Variants in TMEM117 observed in about 807,000 individuals in gnomAD.
TMEM117 encodes the protein transmembrane protein 117.
Under a neutral mutation model 52.4 loss-of-function variants are expected in TMEM117, and 27 were observed. That is an observed-to-expected ratio of 0.51 (90% CI 0.38 to 0.71). The LOEUF (loss-of-function observed/expected upper bound fraction) is 0.71, where lower values mean the gene tolerates loss of function less well. Ranked by LOEUF, TMEM117 falls within the 30% of genes least tolerant of loss-of-function variation. The probability of loss-of-function intolerance (pLI) is 0.00; values close to 1 mark genes in which losing one functional copy is unlikely to be tolerated. For missense variants in TMEM117, 556 were observed against 630.5 expected (o/e 0.88, Z 1.26); for synonymous variants, 215 against 206.3 (o/e 1.04, Z -0.36).
intron 6 of TMEM117, among the ~76,000 whole-genome samples, chr12:44,337,529 A>C (rs978155041): frequency 1.3e-5 from 2 of 152,006 alleles, no homozygotes; most frequent in African/African-American, 4.8e-5. Flanking sequence ...TCAGGAGATG[A>C]ACAGGTGATC....
upstream of TMEM117, among the ~76,000 whole-genome samples, chr12:43,835,447 T>G (rs981521209): frequency 6.6e-6 from 1 of 152,090 alleles, no homozygotes; most frequent in African/African-American, 2.4e-5. Context: ...TTTGTGCATC[T>G]CTATGTGTGT....
intron 6 of TMEM117, among the ~76,000 whole-genome samples, chr12:44,338,728 A>G (rs1318065234): frequency 1.3e-5 from 2 of 152,122 alleles, no homozygotes; most frequent in African/African-American, 4.8e-5. Flanking sequence ...AAAAACCAGC[A>G]TCATACTTAG....
At chr12:44,197,370 T>C (rs540986479) in intron 4 of TMEM117, among the ~76,000 whole-genome samples, 46 of 152,256 alleles carry the variant, frequency 3.0e-4, no homozygotes, top group African/African-American at 1.0e-3. Flanking sequence ...TAATGATCAG[T>C]TATCCATGTT....
chr12:43,846,176 G>T (rs1359359215), intron 2 of TMEM117, among the ~76,000 whole-genome samples: 1 of 152,070 alleles, frequency 6.6e-6, no homozygotes, highest in Non-Finnish European at 1.5e-5. Flanking sequence ...ATTAGTAAGG[G>T]ATCTCTTGAT....
chr12:44,275,761 A>G (rs572079613), intron 5 of TMEM117, among the ~76,000 whole-genome samples: 1 of 151,792 alleles, frequency 6.6e-6, no homozygotes, highest in East Asian at 1.9e-4. Flanking sequence ...AATTGAACTC[A>G]TGGACATAGA....
intron 5 of TMEM117, among the ~76,000 whole-genome samples, chr12:44,278,436 G>T (rs1015534158): frequency 6.6e-6 from 1 of 152,136 alleles, no homozygotes; most frequent in Admixed American, 6.5e-5. Context: ...TCCAAGTTTA[G>T]TAATAAGTTT....
At chr12:44,185,869 TACACACACACACACACACACACACACAC>T (rs3065433) in intron 4 of TMEM117, among the ~76,000 whole-genome samples, 2 of 135,024 alleles carry the variant, frequency 1.5e-5, no homozygotes, top group African/African-American at 5.3e-5. Context: ...CTAAAAGACA[TACACACACACACACACACACACACACAC>T]ACACACACAC....
intron 3 of TMEM117, among the ~76,000 whole-genome samples, chr12:44,093,228 A>G (rs117049468): frequency 0.014 from 2,150 of 152,204 alleles, 26 homozygotes; most frequent in Non-Finnish European, 0.021. Flanking sequence ...AACATGCCAG[A>G]ATTACTAACA....
chr12:44,140,936 C>T (rs1948562016), intron 3 of TMEM117, among the ~76,000 whole-genome samples: 1 of 152,114 alleles, frequency 6.6e-6, no homozygotes, highest in South Asian at 2.1e-4. Flanking sequence ...TGAAAGGCAA[C>T]CAGCTGTGTG....
chr12:44,230,806 T>G (rs563741078), intron 5 of TMEM117, among the ~76,000 whole-genome samples: 1 of 152,180 alleles, frequency 6.6e-6, no homozygotes, highest in Non-Finnish European at 1.5e-5. Context: ...CTCTTTGACA[T>G]TCTTTGCTCT....
At chr12:44,114,527 C>G (rs922192029) in intron 3 of TMEM117, among the ~76,000 whole-genome samples, 1 of 152,176 alleles carries the variant, frequency 6.6e-6, no homozygotes, top group African/African-American at 2.4e-5. Context: ...ATGCCTAAAT[C>G]AAGCCTTCCA....
At chr12:43,866,772 G>A (rs896022326) in intron 2 of TMEM117, among the ~76,000 whole-genome samples, 1 of 152,174 alleles carries the variant, frequency 6.6e-6, no homozygotes, top group African/African-American at 2.4e-5. Context: ...TAGAAAGACT[G>A]TTTTTTCCTT....
At chr12:44,244,074 T>C (rs1371027416) in intron 5 of TMEM117, among the ~76,000 whole-genome samples, 1 of 152,054 alleles carries the variant, frequency 6.6e-6, no homozygotes, top group Non-Finnish European at 1.5e-5. Context: ...TGAATAATGC[T>C]ACAGTAAACA....
intron 5 of TMEM117, among the ~76,000 whole-genome samples, chr12:44,257,375 T>A (rs1176596793): frequency 6.6e-6 from 1 of 152,056 alleles, no homozygotes; most frequent in Non-Finnish European, 1.5e-5. Flanking sequence ...GTCTTTACCA[T>A]TCTGTTTTGG....
chr12:43,857,983 C>T (rs1019168838), intron 2 of TMEM117, among the ~76,000 whole-genome samples: 3 of 152,142 alleles, frequency 2.0e-5, no homozygotes, highest in Non-Finnish European at 2.9e-5. Context: ...GTCAAAGAAA[C>T]GCTGTTAGAA....
At chr12:44,267,489 A>T (rs892898571) in intron 5 of TMEM117, among the ~76,000 whole-genome samples, 2 of 152,164 alleles carry the variant, frequency 1.3e-5, no homozygotes, top group African/African-American at 4.8e-5. Flanking sequence ...CCCCTCTAAA[A>T]GTTTGCTCCC....
chr12:43,977,130 A>C (rs1945684008), intron 3 of TMEM117, among the ~76,000 whole-genome samples: 1 of 152,232 alleles, frequency 6.6e-6, no homozygotes, highest in Admixed American at 6.5e-5. Flanking sequence ...GAGCATAAAA[A>C]GGATAAATAC....
intron 3 of TMEM117, among the ~76,000 whole-genome samples, chr12:44,055,284 G>A (rs1470976528): frequency 2.0e-5 from 3 of 152,076 alleles, no homozygotes; most frequent in Non-Finnish European, 2.9e-5. Context: ...TTGTACATCT[G>A]TACTGATTAT....
At chr12:44,255,120 C>T (rs1312960913) in intron 5 of TMEM117, among the ~76,000 whole-genome samples, 3 of 152,184 alleles carry the variant, frequency 2.0e-5, no homozygotes, top group East Asian at 1.9e-4. Context: ...AATAAACATA[C>T]GTGTGCATGT....
Sources: gnomAD v4.1 joint callset for allele counts (sites outside exome capture counted in the v4.1 genomes callset) on GRCh38, gnomAD v4.1.1 for gene constraint, MANE v1.5 for transcripts, NCBI Gene and HGNC (gene_info 2026-07-23, HGNC 2026-07-21) for gene names.